CELF4: variants seen among roughly 807,000 people sequenced by gnomAD.
The protein encoded by CELF4 is CUGBP Elav-like family member 4.
CELF4 carries 18 observed loss-of-function variants against 59.9 expected under a neutral mutation model. That is an observed-to-expected ratio of 0.30 (90% CI 0.21 to 0.45). The LOEUF is 0.45. CELF4 is among the 20% of genes least tolerant of loss of function. The probability of loss-of-function intolerance (pLI) is 1.00; values close to 1 mark genes in which losing one functional copy is unlikely to be tolerated. For synonymous variants in CELF4, 261 were observed against 267.1 expected, an observed-to-expected ratio of 0.98 and a Z score of 0.22; for missense variants, 456 against 689.0, an observed-to-expected ratio of 0.66 and a Z score of 3.79.
At chr18:37,338,759 C>CGTGTGTGTGTGTGTGTGTGTGTGT (rs60532435) in intron 2 of CELF4, among the ~76,000 whole-genome samples, 1 of 145,572 alleles carries the variant, frequency 6.9e-6, no homozygotes, top group African/African-American at 2.5e-5. Context: ...ATGCAGGAGC[C>CGTGTGTGTGTGTGTGTGTGTGTGT]GTGTGTGTGT....
intron 2 of CELF4, among the ~76,000 whole-genome samples, chr18:37,362,963 G>A (rs181666671): frequency 1.6e-3 from 243 of 152,254 alleles, no homozygotes; most frequent in Non-Finnish European, 2.7e-3. Context: ...AAGGACCCTG[G>A]CACACAGTAG....
At chr18:37,326,814 T>A (rs561639949) in intron 2 of CELF4, among the ~76,000 whole-genome samples, 23 of 152,222 alleles carry the variant, frequency 1.5e-4, no homozygotes, top group African/African-American at 5.1e-4. Flanking sequence ...CCGCTCAGGC[T>A]CTGCCTCCCT....
chr18:37,423,129 G>GT (rs929537660), intron 2 of CELF4, among the ~76,000 whole-genome samples: 5 of 151,788 alleles, frequency 3.3e-5, no homozygotes, highest in Non-Finnish European at 7.4e-5. Context: ...GACAGAGAGA[G>GT]TCAGAGAGAC....
At chr18:37,379,970 G>T (rs2099017441) in intron 2 of CELF4, among the ~76,000 whole-genome samples, 1 of 152,172 alleles carries the variant, frequency 6.6e-6, no homozygotes, top group South Asian at 2.1e-4. Flanking sequence ...TCCACTCAGA[G>T]GGTGGATGGG....
chr18:37,255,606 T>C (rs2068792007), intron 11 of CELF4, among the ~76,000 whole-genome samples: 1 of 151,644 alleles, frequency 6.6e-6, no homozygotes, highest in African/African-American at 2.4e-5. Context: ...CGCTGACCTG[T>C]ATGTCTAATC....
chr18:37,253,251 C>A lies in CELF4; in HGVS notation c.*44+516G>T, dbSNP rs2066685271. Among the ~76,000 whole-genome samples, 1 of 152,204 alleles carries A rather than the reference C, an allele frequency of 6.6e-6. No homozygotes were observed. Among genetic ancestry groups the A allele is most frequent in the Non-Finnish European group, 1.5e-5 (1 of 68,042 alleles). On this transcript the variant is annotated intron_variant, in intron 12 of 12. Coordinates refer to ENST00000420428, the MANE Select transcript of CELF4 (RefSeq NM_020180.4). This position sits in a 1 kb window ranked among gnomAD's most constrained non-coding sequence, Gnocchi z 4.5. ...TTAGTAAAGTTCCCTTTGAAAGATC[C>A]TGTCCTTCCTCTCTTCACTGAGCTA...
chr18:37,462,617 C>T (rs1469316831), intron 2 of CELF4, among the ~76,000 whole-genome samples: 1 of 152,138 alleles, frequency 6.6e-6, no homozygotes, highest in Non-Finnish European at 1.5e-5. Context: ...GAAGTGAGAG[C>T]TGGGGCCCTC....
At chr18:37,497,670 AAAAG>A (rs1265791230) in intron 1 of CELF4, among the ~76,000 whole-genome samples, 1 of 152,078 alleles carries the variant, frequency 6.6e-6, no homozygotes, top group African/African-American at 2.4e-5. Flanking sequence ...AAAAAAAGAA[AAAAG>A]AAAGACAATT....
chr18:37,353,233 A>AAAAATATATAT lies in CELF4; in HGVS notation c.370-31353_370-31352insATATATATTTT, dbSNP rs71168258. ...GAGACTCCGTCTCAAAAAAAAAAAA[A>AAAAATATATAT]ATATATATATATATATACATAAAAG... On this transcript the variant is annotated intron_variant, in intron 2 of 12. Coordinates refer to ENST00000420428, the MANE Select transcript of CELF4 (RefSeq NM_020180.4). 4.1e-3 allele frequency among the ~76,000 whole-genome samples: 439 copies of AAAAATATATAT among 106,926 alleles called. 11 individuals carry two copies. The highest frequency in any genetic ancestry group is 0.032 in the Admixed American group (257 of 8,112). 70.1% of individuals were successfully genotyped at this position (106,926 alleles called of 152,430 possible). A position where few individuals can be genotyped will look rare whatever the true frequency, so the allele number is the denominator to read the frequency against.
At chr18:37,323,844 G>T (rs1355761860) in intron 2 of CELF4, among the ~76,000 whole-genome samples, 1 of 152,176 alleles carries the variant, frequency 6.6e-6, no homozygotes, top group African/African-American at 2.4e-5. Flanking sequence ...GGCAGAGCTG[G>T]GATTCAGCCA....
chr18:37,343,640 G>A (rs1006501964), intron 2 of CELF4, among the ~76,000 whole-genome samples: 2 of 151,992 alleles, frequency 1.3e-5, no homozygotes, highest in South Asian at 4.2e-4. Context: ...AGTGCAGGAA[G>A]GGACTGCCTG....
At chr18:37,314,136 G>A (rs1363073284) in intron 3 of CELF4, among the ~76,000 whole-genome samples, 1 of 152,210 alleles carries the variant, frequency 6.6e-6, no homozygotes, top group Non-Finnish European at 1.5e-5. Context: ...CAAGATGCAG[G>A]AGTGCAGGGA....
At chr18:37,485,870 C>G (rs1278595231) in intron 1 of CELF4, 3 of 320,562 alleles carry the variant, frequency 9.4e-6, no homozygotes, top group Admixed American at 5.0e-5. Flanking sequence ...CACCACACCC[C>G]CCTCTCCTTA....
intron 11 of CELF4, 131 bp downstream of exon 11, chr18:37,259,050 G>GGTTAAAAGCAGGTTAAAA: frequency 6.9e-7 from 1 of 1,444,560 alleles, no homozygotes. Flanking sequence ...AAAAGCAGTC[G>GGTTAAAAGCAGGTTAAAA]GACACCGGTA....
intron 2 of CELF4, among the ~76,000 whole-genome samples, chr18:37,372,008 A>G (rs2098895523): frequency 6.6e-6 from 1 of 152,220 alleles, no homozygotes; most frequent in African/African-American, 2.4e-5. Flanking sequence ...AAAGAGAATG[A>G]TGTTCTACTT....
At chr18:37,279,447 C>A (rs557931548) in intron 3 of CELF4, among the ~76,000 whole-genome samples, 5 of 152,314 alleles carry the variant, frequency 3.3e-5, no homozygotes, top group African/African-American at 9.6e-5. Context: ...GTGAGCACAA[C>A]AAAATCCGCT....
intron 3 of CELF4, chr18:37,276,665 A>T (rs894916656): frequency 4.6e-5 from 7 of 152,098 alleles, no homozygotes; most frequent in Non-Finnish European, 1.0e-4. Context: ...GACATCCTGG[A>T]GCAGAGACAG....
Position 37,246,885 on chromosome 18 carries a change from T to A in CELF4, c.*45-1688A>T, listed in dbSNP as rs1221854680. 6.6e-6 allele frequency: 1 copy of A among 152,090 alleles called. No homozygotes were observed. Among genetic ancestry groups the A allele is most frequent in the Admixed American group, 6.5e-5 (1 of 15,278 alleles). 9.4% of individuals were successfully genotyped at this position (152,090 alleles called of 1,614,324 possible). A position where few individuals can be genotyped will look rare whatever the true frequency, so the allele number is the denominator to read the frequency against. On this transcript the variant is annotated intron_variant, in intron 12 of 12. Coordinates refer to ENST00000420428, the MANE Select transcript of CELF4 (RefSeq NM_020180.4). The surrounding 1 kb of genome is among the most constrained non-coding windows in gnomAD (Gnocchi z 5.3). ...GTTTTGTTTTTTTCTCTATGTGACATCTAGAGAAGCATAAAAAAACGCTGA... is the reference window on the plus strand; with the variant it reads ...GTTTTGTTTTTTTCTCTATGTGACAACTAGAGAAGCATAAAAAAACGCTGA...
At position 37,432,497 on chromosome 18, in the gene CELF4, T is replaced by C. The variant is rs1370762678; in HGVS notation, c.369+53028A>G. 7.2e-5 allele frequency among the ~76,000 whole-genome samples: 11 copies of C among 152,194 alleles called. No homozygotes were observed. In the East Asian group the frequency reaches 2.1e-3, roughly 29 times the overall value. ...TCAACTTTATAAACAACAAAGACAA[T>C]GAACGCTGCACCCGGACCAAGCAAA... On this transcript the variant is annotated intron_variant, in intron 2 of 12. Transcript: ENST00000420428.
Sources: allele counts gnomAD v4.1 joint callset (sites outside exome capture counted in the v4.1 genomes callset), GRCh38; gene constraint gnomAD v4.1.1; non-coding constraint Gnocchi (gnomAD v3.1); transcripts MANE v1.5; gene names NCBI Gene and HGNC (gene_info 2026-07-23, HGNC 2026-07-21).